The following CLMP variants were observed in gnomAD, a reference collection of about 807,000 sequenced individuals.
CLMP encodes the protein CXADR like cell adhesion molecule.
Under a neutral mutation model 45.2 loss-of-function variants are expected in CLMP, and 27 were observed. That is an observed-to-expected ratio of 0.60 (90% CI 0.44 to 0.82). The LOEUF (loss-of-function observed/expected upper bound fraction) is 0.82, where lower values mean the gene tolerates loss of function less well. Ranked by LOEUF, CLMP falls within the 40% of genes least tolerant of loss-of-function variation. The pLI is 0.00. For synonymous variants in CLMP, 167 were observed against 171.4 expected (o/e 0.97, Z 0.20); for missense variants, 403 against 448.4 (o/e 0.90, Z 0.91).
At chr11:123,112,577 G>GC (rs547756743) in intron 1 of CLMP, among the ~76,000 whole-genome samples, 20 of 151,812 alleles carry the variant, frequency 1.3e-4, no homozygotes, top group Middle Eastern at 3.4e-3. Context: ...CCTCAGGTGA[G>GC]CCCCCCCACC....
chr11:123,097,978 T>C, intron 1 of CLMP, 26 bp from the exon 2 acceptor site: 1 of 1,504,782 alleles, frequency 6.6e-7, no homozygotes, highest in Non-Finnish European at 8.9e-7. Context: ...CTTTAATGAG[T>C]AATGCAGAGA....
chr11:123,117,506 A>G (rs985466817), intron 1 of CLMP, among the ~76,000 whole-genome samples: 2 of 152,100 alleles, frequency 1.3e-5, no homozygotes, highest in Admixed American at 1.3e-4. Flanking sequence ...AGCTCACTGC[A>G]GCCTCTGCCT....
At position 123,133,257 on chromosome 11, in the gene CLMP, G is replaced by A. The variant is rs553306980; in HGVS notation, c.29-35305C>T. Among the ~76,000 whole-genome samples, 25 of 152,108 alleles carry A rather than the reference G, an allele frequency of 1.6e-4. No individual in the cohort carries two copies. The South Asian group carries it at 1.7e-3, about 10-fold the overall frequency. On this transcript the variant is annotated intron_variant, in intron 1 of 6. Coordinates refer to ENST00000448775, the MANE Select transcript of CLMP (RefSeq NM_024769.5). ...CACATGAACACAGACTCCTTGACCG[G>A]GCCCTAGTCAGGCTCCTCTGGGTCC...
chr11:123,073,498 C>G lies in CLMP; in HGVS notation c.1098G>C (p.Gln366His). 6 of 1,613,738 alleles carry G rather than the reference C, an allele frequency of 3.7e-6. No homozygotes were observed. The highest frequency in any genetic ancestry group is 5.1e-6 in the Non-Finnish European group (6 of 1,179,798). Residue 366 changes from glutamine to histidine, a missense_variant, in exon 7 of 7, where the codon CAG (glutamine) becomes CAC (histidine). Physicochemically the swap from Gln to His is conservative, Grantham distance 24. Transcript: ENST00000448775. ...AETTPSMIPS[Q>H]SRAFQTV Reference sequence around the variant, plus strand: ...TTCAGACCGTTTGGAAGGCTCTGCTCTGGCTGGGGATCATGCTGGGTGTGG... The same window carrying G: ...TTCAGACCGTTTGGAAGGCTCTGCTGTGGCTGGGGATCATGCTGGGTGTGG...
chr11:123,082,022 C>T (rs1865810276), intron 5 of CLMP, among the ~76,000 whole-genome samples: 2 of 152,190 alleles, frequency 1.3e-5, no homozygotes, highest in Non-Finnish European at 2.9e-5. Context: ...CTCTTAGTCG[C>T]CTACTACTGT....
intron 5 of CLMP, among the ~76,000 whole-genome samples, chr11:123,080,325 A>AT (rs1865790090): frequency 7.7e-6 from 1 of 130,264 alleles, no homozygotes; most frequent in African/African-American, 2.9e-5. Context: ...ATGAAGGTGT[A>AT]CTTTTTTTTT....
At chr11:123,179,754 G>A (rs941439437) in intron 1 of CLMP, among the ~76,000 whole-genome samples, 2 of 152,222 alleles carry the variant, frequency 1.3e-5, no homozygotes, top group Non-Finnish European at 1.5e-5. Context: ...CTTGCCGGGG[G>A]TTCAAAGAGC....
chr11:123,129,363 A>ATAT (rs1313462222), intron 1 of CLMP, among the ~76,000 whole-genome samples: 1,348 of 119,208 alleles, frequency 0.011, 49 homozygotes, highest in African/African-American at 0.041. Context: ...CATATGATAT[A>ATAT]TTATATAAAA....
intron 1 of CLMP, among the ~76,000 whole-genome samples, chr11:123,135,012 C>A (rs892860410): frequency 2.0e-5 from 3 of 151,526 alleles, no homozygotes; most frequent in Admixed American, 6.6e-5. Context: ...GTAATCCCAG[C>A]ACTTTGGGAG....
At chr11:123,123,259 C>CT (rs11458946) in intron 1 of CLMP, among the ~76,000 whole-genome samples, 36,906 of 117,596 alleles carry the variant, frequency 0.31, 6,435 homozygotes, top group Non-Finnish European at 0.34. Context: ...TCTTTCTTTC[C>CT]TTTTTTTTTT....
chr11:123,119,977 G>A (rs542574547), intron 1 of CLMP, among the ~76,000 whole-genome samples: 134 of 152,304 alleles, frequency 8.8e-4, no homozygotes, highest in African/African-American at 2.8e-3. Flanking sequence ...GTGAGCCACC[G>A]CGCCTGGCAT....
intron 2 of CLMP, among the ~76,000 whole-genome samples, chr11:123,086,055 G>A (rs1343556828): frequency 6.6e-6 from 1 of 152,064 alleles, no homozygotes; most frequent in African/African-American, 2.4e-5. Context: ...GGGATTACAG[G>A]TGTGAGCCAC....
intron 1 of CLMP, among the ~76,000 whole-genome samples, chr11:123,100,491 G>T (rs998686878): frequency 6.6e-6 from 1 of 152,106 alleles, no homozygotes; most frequent in Non-Finnish European, 1.5e-5. Context: ...TTATTTGGGG[G>T]TGAGCTGGGG....
intron 1 of CLMP, among the ~76,000 whole-genome samples, chr11:123,177,987 A>G (rs1861721025): frequency 6.6e-6 from 1 of 151,960 alleles, no homozygotes; most frequent in Non-Finnish European, 1.5e-5. Context: ...CTCGGCCTCC[A>G]GAGGAGCTGG....
At chr11:123,158,046 A>G (rs1383960642) in intron 1 of CLMP, among the ~76,000 whole-genome samples, 1 of 152,096 alleles carries the variant, frequency 6.6e-6, no homozygotes, top group Non-Finnish European at 1.5e-5. Flanking sequence ...TTTCACACAC[A>G]TTACTCAATC....
chr11:123,102,707 C>CG, intron 1 of CLMP, among the ~76,000 whole-genome samples: 1 of 93,288 alleles, frequency 1.1e-5, no homozygotes, highest in East Asian at 3.3e-4. Flanking sequence ...TCCCGAGTAG[C>CG]TTTTTTTTTT....
intron 1 of CLMP, among the ~76,000 whole-genome samples, chr11:123,150,350 G>A (rs1331696904): frequency 2.0e-5 from 3 of 149,350 alleles, no homozygotes; most frequent in Admixed American, 1.4e-4. Flanking sequence ...TCAGAAAGGT[G>A]TGGGGGTTTG....
chr11:123,127,454 T>A (rs1191925183), intron 1 of CLMP, among the ~76,000 whole-genome samples: 1 of 152,166 alleles, frequency 6.6e-6, no homozygotes, highest in African/African-American at 2.4e-5. Flanking sequence ...TTTTCCATAT[T>A]AGTAATTAAG....
Position 123,158,559 on chromosome 11 carries a change from C to T in CLMP, c.28+36354G>A, listed in dbSNP as rs116602571. On this transcript the variant is annotated intron_variant, in intron 1 of 6. Transcript: ENST00000448775. ...TCTCCCCCTTTAAAAGGGCACTGCTCGTTGTTTTCCCACACTTGTCATGCT... is the reference window on the plus strand; with the variant it reads ...TCTCCCCCTTTAAAAGGGCACTGCTTGTTGTTTTCCCACACTTGTCATGCT... Among the ~76,000 whole-genome samples the T allele has an allele frequency of 3.8e-3, 575 of 152,216 alleles. 2 individuals carry two copies. The highest frequency in any genetic ancestry group is 0.013 in the African/African-American group (536 of 41,536).
Sources: allele counts gnomAD v4.1 joint callset (sites outside exome capture counted in the v4.1 genomes callset), GRCh38; gene constraint gnomAD v4.1.1; transcripts MANE v1.5; gene names NCBI Gene and HGNC (gene_info 2026-07-23, HGNC 2026-07-21).